Variants in NBEA observed in about 807,000 individuals in gnomAD.
The protein encoded by NBEA is lysosomal-trafficking regulator 2.
In NBEA, 44 loss-of-function variants were observed where a neutral mutation model predicts 343.4. The ratio of observed to expected loss-of-function variants is 0.13; its 90% CI spans 0.10 to 0.16. The LOEUF (loss-of-function observed/expected upper bound fraction) is 0.16, where lower values mean the gene tolerates loss of function less well. Among genes scored for constraint, NBEA ranks in the 10% least tolerant of loss-of-function variants. The pLI, the probability that NBEA is intolerant of heterozygous loss-of-function variation, is 1.00. For synonymous variants in NBEA, 1,175 were observed against 1,238.7 expected, an observed-to-expected ratio of 0.95 and a Z score of 1.08; for missense variants, 2,555 against 3,631.3, an observed-to-expected ratio of 0.70 and a Z score of 7.62.
intron 11 of NBEA, among the ~76,000 whole-genome samples, chr13:35,101,939 C>T (rs575391945): frequency 2.8e-4 from 42 of 151,734 alleles, no homozygotes; most frequent in African/African-American, 7.7e-4. Flanking sequence ...TTTTCAGTTT[C>T]TTTTATGACT....
chr13:35,442,464 C>T (rs183935943), intron 39 of NBEA, among the ~76,000 whole-genome samples: 244 of 152,052 alleles, frequency 1.6e-3, no homozygotes, highest in African/African-American at 5.6e-3. Context: ...AGAGAGTCTG[C>T]GTTTACCGTC....
intron 8 of NBEA, among the ~76,000 whole-genome samples, chr13:35,067,805 T>C (rs1461651828): frequency 6.6e-6 from 1 of 152,086 alleles, no homozygotes; most frequent in African/African-American, 2.4e-5. Flanking sequence ...GGCATGATCA[T>C]GGCTCATTGT....
Position 34,991,290 on chromosome 13 carries a change from A to T in NBEA, c.294+48176A>T, listed in dbSNP as rs377251946. Reference sequence around the variant, plus strand: ...ACCCATTCTTGCACTGCTGTGAGGAACTACCTGAGACTGGGTAATTTGTGA... The same window carrying T: ...ACCCATTCTTGCACTGCTGTGAGGATCTACCTGAGACTGGGTAATTTGTGA... On this transcript the variant is annotated intron_variant, in intron 1 of 58. Coordinates refer to ENST00000379939, the MANE Select transcript of NBEA (RefSeq NM_001385012.1). 4.7e-4 allele frequency among the ~76,000 whole-genome samples: 72 copies of T among 152,322 alleles called. 1 individual carries two copies. In the South Asian group the frequency reaches 0.015, roughly 31 times the overall value.
At chr13:35,250,084 T>C (rs557210982) in intron 34 of NBEA, among the ~76,000 whole-genome samples, 19 of 152,088 alleles carry the variant, frequency 1.2e-4, no homozygotes, top group Non-Finnish European at 2.5e-4. Context: ...TGATGGGAAA[T>C]AGGAGTTGTT....
At chr13:35,183,100 T>G (rs2071429127) in intron 29 of NBEA, among the ~76,000 whole-genome samples, 2 of 152,164 alleles carry the variant, frequency 1.3e-5, no homozygotes, top group African/African-American at 2.4e-5. Flanking sequence ...CCTTGGGTCA[T>G]GCTGCCTTTT....
At chr13:35,530,859 C>A (rs1186306060) in intron 41 of NBEA, among the ~76,000 whole-genome samples, 1 of 152,104 alleles carries the variant, frequency 6.6e-6, no homozygotes, top group Non-Finnish European at 1.5e-5. Flanking sequence ...TCATTACTAA[C>A]AGTCTACACT....
chr13:35,637,598 C>T (rs12428703), intron 49 of NBEA, among the ~76,000 whole-genome samples: 62,771 of 151,754 alleles, frequency 0.41, 15,060 homozygotes, highest in Middle Eastern at 0.56. Flanking sequence ...CTGAGGCAGG[C>T]GGATCACAAG....
intron 12 of NBEA, 23 bp from the exon 13 acceptor site, chr13:35,110,787 G>A (rs770747409): frequency 6.4e-7 from 1 of 1,573,472 alleles, no homozygotes; most frequent in South Asian, 1.1e-5. Flanking sequence ...TCATTTTAAT[G>A]ATCTGTTAAT....
chr13:35,331,517 TG>T (rs2038926071), intron 36 of NBEA, among the ~76,000 whole-genome samples: 1 of 152,058 alleles, frequency 6.6e-6, no homozygotes, highest in Admixed American at 6.6e-5. Context: ...AAAATGAATT[TG>T]TCTGACCTAT....
chr13:35,132,701 A>G (rs1328709579), intron 17 of NBEA, among the ~76,000 whole-genome samples: 1 of 152,206 alleles, frequency 6.6e-6, no homozygotes, highest in Admixed American at 6.5e-5. Flanking sequence ...CAGAATGCAA[A>G]TAAGTGGTTA....
intron 36 of NBEA, among the ~76,000 whole-genome samples, chr13:35,330,537 T>G (rs1373894556): frequency 6.6e-6 from 1 of 152,034 alleles, no homozygotes; most frequent in African/African-American, 2.4e-5. Flanking sequence ...CTCTTTTCAA[T>G]GATTCTCTCC....
At chr13:35,432,904 A>T (rs2045214101) in intron 39 of NBEA, among the ~76,000 whole-genome samples, 1 of 152,020 alleles carries the variant, frequency 6.6e-6, no homozygotes, top group Admixed American at 6.6e-5. Flanking sequence ...ATATTAAAAA[A>T]GTTTTATTTA....
At chr13:35,668,299 G>A in intron 57 of NBEA, 69 bp from the exon 58 acceptor site, 1 of 1,491,708 alleles carries the variant, frequency 6.7e-7, no homozygotes, top group Non-Finnish European at 9.1e-7. Flanking sequence ...GAAAAATTGA[G>A]AGAAATGGTT....
chr13:35,438,772 C>T (rs1289395676), intron 39 of NBEA, among the ~76,000 whole-genome samples: 1 of 152,116 alleles, frequency 6.6e-6, no homozygotes, highest in Non-Finnish European at 1.5e-5. Flanking sequence ...GTATCATAGC[C>T]TTGTCTTCAC....
intron 38 of NBEA, among the ~76,000 whole-genome samples, chr13:35,365,341 T>C (rs1004528702): frequency 2.0e-5 from 3 of 151,662 alleles, no homozygotes; most frequent in Non-Finnish European, 3.0e-5. Context: ...AGTTTTAAAA[T>C]AAAAATTAGT....
At chr13:35,567,162 C>A in intron 45 of NBEA, 145 bp downstream of exon 45, 1 of 476,104 alleles carries the variant, frequency 2.1e-6, no homozygotes, top group Non-Finnish European at 3.7e-6. Context: ...TAAATCTTAC[C>A]AATTCTTAGC....
In NBEA at chr13:35,012,708, A is replaced by G. The variant is rs1019711289; in HGVS notation, c.295-28225A>G. The stretch of plus-strand genomic sequence containing the variant: ...TAAAGTATATTTTGTATAACATTTG[A>G]AAATAAAACAATGGTTATATAGTCT... On this transcript the variant is annotated intron_variant, in intron 1 of 58. Coordinates refer to ENST00000379939, the MANE Select transcript of NBEA (RefSeq NM_001385012.1). 3.3e-5 allele frequency among the ~76,000 whole-genome samples: 5 copies of G among 152,354 alleles called. No homozygotes were observed. The East Asian group carries it at 9.6e-4, about 29-fold the overall frequency.
At chr13:34,949,768 G>A (rs117098585) in intron 1 of NBEA, among the ~76,000 whole-genome samples, 1 of 151,838 alleles carries the variant, frequency 6.6e-6, no homozygotes, top group Non-Finnish European at 1.5e-5. Context: ...TATATAATTG[G>A]TCAGGTTTGA....
At chr13:35,473,460 A>G (rs1411614140) in intron 41 of NBEA, among the ~76,000 whole-genome samples, 1 of 152,194 alleles carries the variant, frequency 6.6e-6, no homozygotes, top group Non-Finnish European at 1.5e-5. Context: ...AATGTTATAA[A>G]ATAGTATTTG....
Sources: gnomAD v4.1 joint callset for allele counts (sites outside exome capture counted in the v4.1 genomes callset) on GRCh38, gnomAD v4.1.1 for gene constraint, MANE v1.5 for transcripts, NCBI Gene and HGNC (gene_info 2026-07-23, HGNC 2026-07-21) for gene names.